The following CCDC91 variants were observed in gnomAD, a reference collection of about 807,000 sequenced individuals.
The protein encoded by CCDC91 is coiled-coil domain-containing protein 91.
Under a neutral mutation model 63.2 loss-of-function variants are expected in CCDC91, and 48 were observed. The ratio of observed to expected loss-of-function variants is 0.76; its 90% CI spans 0.60 to 0.97. The LOEUF is 0.97. CCDC91 is among the 50% of genes least tolerant of loss of function. The pLI is 0.00. For synonymous variants in CCDC91, 167 were observed against 165.8 expected, an observed-to-expected ratio of 1.01 and a Z score of -0.06; for missense variants, 500 against 494.6, an observed-to-expected ratio of 1.01 and a Z score of -0.10.
In CCDC91 at chr12:28,391,396, G is replaced by A. The variant is rs756264182; in HGVS notation, c.747G>A (p.Glu249=). ...AGAAACAGGCACACAAGTGTGAGGA[G>A]TTGCTAAATGCTCAGGTAATAAAAG... The part of the protein sequence containing the change: ...AIEKQAHKCE[E]LLNAQHQRLL... The change falls in exon 8 of 13, where the codon GAG becomes GAA. Residue 249 remains glutamate, a synonymous_variant. Transcript: ENST00000536442. 1.4e-5 allele frequency: 22 copies of A among 1,601,744 alleles called. No individual in the cohort carries two copies. The Admixed American group carries it at 3.3e-4, about 24-fold the overall frequency.
intron 12 of CCDC91, among the ~76,000 whole-genome samples, chr12:28,519,918 C>A (rs546464927): frequency 7.9e-5 from 12 of 152,128 alleles, no homozygotes; most frequent in African/African-American, 2.9e-4. Context: ...TTTATGGCTG[C>A]ATAGTATTCC....
At chr12:28,474,698 G>A (rs1950992403) in intron 11 of CCDC91, among the ~76,000 whole-genome samples, 1 of 151,334 alleles carries the variant, frequency 6.6e-6, no homozygotes. Context: ...TCTCCACACT[G>A]AAAACTCAAA....
At chr12:28,355,013 C>A (rs1205725164) in intron 6 of CCDC91, among the ~76,000 whole-genome samples, 5 of 149,512 alleles carry the variant, frequency 3.3e-5, no homozygotes, top group South Asian at 4.2e-4. Flanking sequence ...TCCTTTTTTC[C>A]TCCTCTTTTA....
intron 7 of CCDC91, among the ~76,000 whole-genome samples, chr12:28,384,031 C>T (rs1387649711): frequency 6.6e-6 from 1 of 152,020 alleles, no homozygotes; most frequent in African/African-American, 2.4e-5. Flanking sequence ...AAGCCAAGAG[C>T]CATTGGGGAT....
intron 6 of CCDC91, among the ~76,000 whole-genome samples, chr12:28,329,940 T>C (rs1240525270): frequency 1.3e-5 from 2 of 152,222 alleles, no homozygotes; most frequent in East Asian, 1.9e-4. Flanking sequence ...GCAAAGGACA[T>C]GGACTCATCC....
At chr12:28,276,194 A>G (rs1310149115) in intron 3 of CCDC91, among the ~76,000 whole-genome samples, 1 of 151,980 alleles carries the variant, frequency 6.6e-6, no homozygotes, top group African/African-American at 2.4e-5. Flanking sequence ...GTAATAGAAT[A>G]TTGTATGTAT....
At chr12:28,363,971 T>C (rs1023194706) in intron 7 of CCDC91, among the ~76,000 whole-genome samples, 3 of 151,318 alleles carry the variant, frequency 2.0e-5, no homozygotes, top group Non-Finnish European at 2.9e-5. Context: ...GTGTTTTTTT[T>C]TTTTTCTTCA....
At chr12:28,266,842 G>T (rs1947221482) in intron 3 of CCDC91, among the ~76,000 whole-genome samples, 1 of 151,734 alleles carries the variant, frequency 6.6e-6, no homozygotes, top group South Asian at 2.1e-4. Flanking sequence ...TGAAGATAGT[G>T]CTCTGACTCT....
At chr12:28,414,348 T>G (rs1947510029) in intron 8 of CCDC91, among the ~76,000 whole-genome samples, 1 of 152,128 alleles carries the variant, frequency 6.6e-6, no homozygotes, top group Non-Finnish European at 1.5e-5. Context: ...AATTCTTATT[T>G]TGTCTGTGTG....
intron 12 of CCDC91, among the ~76,000 whole-genome samples, chr12:28,520,584 C>T (rs1940518127): frequency 6.6e-6 from 1 of 152,154 alleles, no homozygotes; most frequent in Non-Finnish European, 1.5e-5. Context: ...AATTAGATCC[C>T]ATTTGTCAAT....
At chr12:28,501,687 G>A (rs1421092565) in intron 12 of CCDC91, among the ~76,000 whole-genome samples, 1 of 151,822 alleles carries the variant, frequency 6.6e-6, no homozygotes, top group Non-Finnish European at 1.5e-5. Flanking sequence ...TTGTGTCTCT[G>A]CCTGGCTTTG....
At chr12:28,229,722 C>T (rs1476399359) in intron 1 of CCDC91, among the ~76,000 whole-genome samples, 1 of 152,168 alleles carries the variant, frequency 6.6e-6, no homozygotes, top group Admixed American at 6.5e-5. Context: ...GGGAAGGACT[C>T]TGATGGATCC....
chr12:28,519,855 T>G (rs983876104), intron 12 of CCDC91, among the ~76,000 whole-genome samples: 2 of 151,884 alleles, frequency 1.3e-5, no homozygotes, highest in African/African-American at 4.8e-5. Flanking sequence ...TTGCTGAGAA[T>G]GATGGATACC....
intron 8 of CCDC91, among the ~76,000 whole-genome samples, chr12:28,427,410 A>G (rs1313640415): frequency 6.6e-6 from 1 of 152,144 alleles, no homozygotes; most frequent in Non-Finnish European, 1.5e-5. Flanking sequence ...AAGAGCTTTT[A>G]TGGTGCATTA....
intron 7 of CCDC91, among the ~76,000 whole-genome samples, chr12:28,379,257 C>A (rs1161418614): frequency 1.3e-5 from 2 of 151,874 alleles, no homozygotes; most frequent in African/African-American, 4.8e-5. Flanking sequence ...GACTTCATAA[C>A]TAAAACACCA....
intron 6 of CCDC91, among the ~76,000 whole-genome samples, chr12:28,318,572 G>T (rs1009186797): frequency 1.3e-5 from 2 of 151,676 alleles, no homozygotes; most frequent in Non-Finnish European, 2.9e-5. Flanking sequence ...TATTTGTTAC[G>T]GAATAACAAT....
At chr12:28,318,118 CAA>C (rs1400668982) in intron 6 of CCDC91, among the ~76,000 whole-genome samples, 1 of 151,672 alleles carries the variant, frequency 6.6e-6, no homozygotes, top group Non-Finnish European at 1.5e-5. Flanking sequence ...ACCATTTAAA[CAA>C]TGAGAAGAGT....
chr12:28,249,207 C>T (rs1228872268), intron 1 of CCDC91, among the ~76,000 whole-genome samples: 1 of 152,122 alleles, frequency 6.6e-6, no homozygotes, highest in Non-Finnish European at 1.5e-5. Context: ...GTGTGTTGGG[C>T]AGCACTGTGA....
intron 11 of CCDC91, among the ~76,000 whole-genome samples, chr12:28,456,644 T>TA (rs747908640): frequency 1.5e-4 from 23 of 152,136 alleles, no homozygotes; most frequent in Non-Finnish European, 3.1e-4. Flanking sequence ...AGCTGATTTT[T>TA]AAAAAACAAA....
Sources: gnomAD v4.1 joint callset for allele counts (sites outside exome capture counted in the v4.1 genomes callset) on GRCh38, gnomAD v4.1.1 for gene constraint, MANE v1.5 for transcripts, NCBI Gene and HGNC (gene_info 2026-07-23, HGNC 2026-07-21) for gene names.